PTH2R: variants seen among roughly 807,000 people sequenced by gnomAD.
The protein encoded by PTH2R is parathyroid hormone 2 receptor, also known as PTH2 receptor.
PTH2R carries 59 observed loss-of-function variants against 60.3 expected under a neutral mutation model. The observed-to-expected ratio is 0.98, with a 90% CI of 0.79 to 1.22. The LOEUF is 1.22. PTH2R is among the 50% of genes most tolerant of loss of function. The pLI is 0.00. For synonymous variants in PTH2R, 256 were observed against 243.8 expected, an observed-to-expected ratio of 1.05 and a Z score of -0.47; for missense variants, 749 against 682.6, an observed-to-expected ratio of 1.10 and a Z score of -1.08.
intron 1 of PTH2R, among the ~76,000 whole-genome samples, chr2:208,401,006 T>C (rs1559208873): frequency 6.6e-6 from 1 of 152,214 alleles, no homozygotes; most frequent in African/African-American, 2.4e-5. Flanking sequence ...CTGGGTATGA[T>C]ACATGAGAGT....
At chr2:208,401,682 C>T (rs575136396) in intron 1 of PTH2R, among the ~76,000 whole-genome samples, 79 of 152,254 alleles carry the variant, frequency 5.2e-4, no homozygotes, top group East Asian at 3.9e-3. Flanking sequence ...TTCTCTGCTT[C>T]GAATGCCCTC....
chr2:208,412,167 T>G (rs576235520), intron 1 of PTH2R, among the ~76,000 whole-genome samples: 2 of 152,344 alleles, frequency 1.3e-5, no homozygotes, highest in Non-Finnish European at 2.9e-5. Flanking sequence ...AATATTACAT[T>G]TATTAATATA....
intron 8 of PTH2R, among the ~76,000 whole-genome samples, chr2:208,454,106 C>T (rs1364904638): frequency 6.6e-6 from 1 of 152,070 alleles, no homozygotes; most frequent in Non-Finnish European, 1.5e-5. Context: ...TTGGCCAGAG[C>T]CCCCCAGTTG....
intron 1 of PTH2R, among the ~76,000 whole-genome samples, chr2:208,374,242 C>G (rs1432257006): frequency 6.6e-6 from 1 of 152,020 alleles, no homozygotes; most frequent in Non-Finnish European, 1.5e-5. Flanking sequence ...ATCCATCACT[C>G]TCCTGTCTTT....
In PTH2R at chr2:208,367,306, C is replaced by G. The variant is rs188843672; in HGVS notation, c.-259+7069C>G. 1.6e-3 allele frequency among the ~76,000 whole-genome samples: 236 copies of G among 152,178 alleles called. 12 individuals are homozygous for G. In the East Asian group the frequency reaches 0.03, roughly 19 times the overall value. On this transcript the variant is annotated intron_variant, in intron 1 of 12. Coordinates refer to the PTH2R transcript ENST00000617735. ...ACAGGGTTTCGCCATGTTGGCCAGG[C>G]TGGTCTCGAACTCCTGACCTCAGCC...
intron 1 of PTH2R, among the ~76,000 whole-genome samples, chr2:208,363,923 A>G (rs28885800): frequency 0.13 from 19,567 of 152,152 alleles, 1,447 homozygotes; most frequent in African/African-American, 0.2. Flanking sequence ...ACCTTTGTCA[A>G]ATGCATAGTT....
In PTH2R at chr2:208,411,428, G is replaced by A. The variant is rs113680761; in HGVS notation, c.75+4310G>A. Among the ~76,000 whole-genome samples, 1,240 of 152,286 alleles carry A rather than the reference G, an allele frequency of 8.1e-3. 17 individuals carry two copies. The highest frequency in any genetic ancestry group is 0.028 in the African/African-American group (1,164 of 41,564). ...TATAAGGAAGCCTTAAATCCCTGAG[G>A]AATGGGCTTCCTGGTGGCTGCATTA... is the stretch of plus-strand genomic sequence containing the variant. On this transcript the variant is annotated intron_variant, in intron 1 of 12. Coordinates refer to ENST00000272847, the MANE Select transcript of PTH2R (RefSeq NM_005048.4).
chr2:208,442,472 C>G lies in PTH2R; in HGVS notation c.509+11C>G. 1 of 1,567,360 alleles carries G rather than the reference C, an allele frequency of 6.4e-7. No individual in the cohort carries two copies. Among genetic ancestry groups the G allele is most frequent in the Non-Finnish European group, 8.8e-7 (1 of 1,137,678 alleles). On this transcript the variant is annotated intron_variant, in intron 5 of 12. Transcript: ENST00000272847. ...CATTGGTTACTTCAGGTGAGTGATG[C>G]CCATCACTTTTTCCATGAAGGGGCA...
At chr2:208,415,068 C>A (rs368616281) in intron 1 of PTH2R, among the ~76,000 whole-genome samples, 25 of 152,000 alleles carry the variant, frequency 1.6e-4, no homozygotes, top group African/African-American at 5.1e-4. Flanking sequence ...CCAGAACAGA[C>A]AAAGGACGTT....
intron 1 of PTH2R, among the ~76,000 whole-genome samples, chr2:208,367,125 C>A (rs1009454331): frequency 2.0e-5 from 3 of 151,568 alleles, no homozygotes; most frequent in Non-Finnish European, 4.4e-5. Flanking sequence ...TTGAGTTTCA[C>A]CCTTGTTGCC....
At chr2:208,456,603 G>A (rs1452630563) in intron 8 of PTH2R, among the ~76,000 whole-genome samples, 1 of 152,184 alleles carries the variant, frequency 6.6e-6, no homozygotes, top group Non-Finnish European at 1.5e-5. Flanking sequence ...AGAAGGTAGT[G>A]CTCAGCCAAT....
chr2:208,438,967 A>G (rs1702130708), intron 4 of PTH2R, among the ~76,000 whole-genome samples: 1 of 152,168 alleles, frequency 6.6e-6, no homozygotes. Context: ...ATTGTTAGGT[A>G]CTCTACAATG....
intron 1 of PTH2R, among the ~76,000 whole-genome samples, chr2:208,385,584 CAA>C (rs1013954000): frequency 5.3e-5 from 8 of 152,144 alleles, no homozygotes; most frequent in Non-Finnish European, 1.0e-4. Context: ...CAGAGCAATG[CAA>C]AGTCATGAAA....
intron 9 of PTH2R, among the ~76,000 whole-genome samples, chr2:208,477,780 G>T: frequency 6.6e-6 from 1 of 151,426 alleles, no homozygotes; most frequent in Non-Finnish European, 1.5e-5. Flanking sequence ...TTTGTCTGTA[G>T]TTTGCTTCAA....
At chr2:208,407,156 G>A in intron 1 of PTH2R, 38 bp downstream of exon 1, 2 of 1,396,784 alleles carry the variant, frequency 1.4e-6, no homozygotes, top group African/African-American at 1.5e-5. Flanking sequence ...TTTTCGCGGA[G>A]CCTCCGGCGG....
In PTH2R at chr2:208,493,290, G is replaced by T; in HGVS notation, c.1284G>T (p.Trp428Cys). The T allele has an allele frequency of 6.6e-7, 1 of 1,517,044 alleles. No homozygotes were observed. Among genetic ancestry groups the T allele is most frequent in the Non-Finnish European group, 8.8e-7 (1 of 1,130,044 alleles). 94.0% of individuals were successfully genotyped at this position (1,517,044 alleles called of 1,614,324 possible). A position where few individuals can be genotyped will look rare whatever the true frequency, so the allele number is the denominator to read the frequency against. Reference protein sequence around the residue: ...GEVQAEVKKMWSRWNLSVDWK... With the variant: ...GEVQAEVKKMCSRWNLSVDWK... ...TTCAGGCAGAGGTGAAGAAGATGTG[G>T]AGTCGGTGGAACCTCTCCGTGGACT... The change falls in exon 13 of 13, where the codon TGG becomes TGT. Residue 428 changes from tryptophan (W) to cysteine (C), a missense_variant. Physicochemically the swap from Trp to Cys is radical, Grantham distance 215. Coordinates refer to ENST00000272847, the MANE Select transcript of PTH2R (RefSeq NM_005048.4).
chr2:208,375,469 G>A lies in PTH2R; in HGVS notation c.-259+15232G>A, dbSNP rs192522142. Among the ~76,000 whole-genome samples, 12 of 152,214 alleles carry A rather than the reference G, an allele frequency of 7.9e-5. No individual in the cohort carries two copies. The East Asian group carries it at 1.2e-3, about 15-fold the overall frequency. The stretch of plus-strand genomic sequence containing the variant: ...AAACTGTCTGCTCTGTGAAGGCAAC[G>A]ACCTATCTTTACTCATTTTTGACTC... On this transcript the variant is annotated intron_variant, in intron 1 of 12. Coordinates refer to the PTH2R transcript ENST00000617735.
At chr2:208,426,997 C>T (rs1701869793) in intron 1 of PTH2R, among the ~76,000 whole-genome samples, 2 of 152,050 alleles carry the variant, frequency 1.3e-5, no homozygotes, top group Admixed American at 6.6e-5. Context: ...GCATGGTTTC[C>T]TGAAAAGGTT....
chr2:208,368,285 CCATAA>C (rs913912913), intron 1 of PTH2R, among the ~76,000 whole-genome samples: 1 of 152,070 alleles, frequency 6.6e-6, no homozygotes, highest in Non-Finnish European at 1.5e-5. Context: ...TCTTTTTGTC[CCATAA>C]CATATTTCTC....
Sources: allele counts gnomAD v4.1 joint callset (sites outside exome capture counted in the v4.1 genomes callset), GRCh38; gene constraint gnomAD v4.1.1; transcripts MANE v1.5; gene names NCBI Gene and HGNC (gene_info 2026-07-23, HGNC 2026-07-21).